Variants in ARHGEF26 observed in about 807,000 individuals in gnomAD.
ARHGEF26 encodes the protein Rho guanine nucleotide exchange factor 26, also known as Rho guanine nucleotide exchange factor (GEF) 26.
In ARHGEF26, 59 loss-of-function variants were observed where a neutral mutation model predicts 89.4. The observed-to-expected ratio is 0.66, with a 90% CI of 0.54 to 0.82. The LOEUF (loss-of-function observed/expected upper bound fraction) is 0.82, where lower values mean the gene tolerates loss of function less well. Ranked by LOEUF, ARHGEF26 falls within the 40% of genes least tolerant of loss-of-function variation. The pLI, the probability that ARHGEF26 is intolerant of heterozygous loss-of-function variation, is 0.00. For synonymous variants in ARHGEF26, 500 were observed against 428.4 expected, an observed-to-expected ratio of 1.17 and a Z score of -2.06; for missense variants, 1,234 against 1,085.6, an observed-to-expected ratio of 1.14 and a Z score of -1.92.
At chr3:154,238,935 G>C (rs1717285666) in intron 11 of ARHGEF26, among the ~76,000 whole-genome samples, 1 of 152,144 alleles carries the variant, frequency 6.6e-6, no homozygotes. Context: ...GGAGGCGGAA[G>C]GTTGTAGAGT....
At chr3:154,127,721 A>G (rs1254726826) in intron 3 of ARHGEF26, among the ~76,000 whole-genome samples, 1 of 151,830 alleles carries the variant, frequency 6.6e-6, no homozygotes, top group East Asian at 1.9e-4. Flanking sequence ...CATGAACTGT[A>G]TATAATTGTA....
chr3:154,201,201 T>C (rs1714612671), intron 9 of ARHGEF26, among the ~76,000 whole-genome samples: 1 of 145,126 alleles, frequency 6.9e-6, no homozygotes, highest in Non-Finnish European at 1.5e-5. Context: ...CCCCTTCATG[T>C]GTCCATGTGT....
chr3:154,194,108 A>C (rs956316316), intron 8 of ARHGEF26, among the ~76,000 whole-genome samples: 2 of 152,160 alleles, frequency 1.3e-5, no homozygotes, highest in African/African-American at 2.4e-5. Context: ...GATTACAGAC[A>C]TGAGCCACTG....
chr3:154,244,999 G>A (rs1050478213), intron 12 of ARHGEF26, among the ~76,000 whole-genome samples: 1 of 152,032 alleles, frequency 6.6e-6, no homozygotes, highest in African/African-American at 2.4e-5. Context: ...CTAAAATATA[G>A]AATTTTTTAA....
chr3:154,201,445 A>G (rs1457742626), intron 9 of ARHGEF26, among the ~76,000 whole-genome samples: 17 of 152,092 alleles, frequency 1.1e-4, no homozygotes, highest in African/African-American at 4.1e-4. Flanking sequence ...GCTATTGTGA[A>G]TAGTGCCACA....
intron 1 of ARHGEF26, 149 bp from the exon 2 acceptor site, chr3:154,121,793 G>A (rs1477618630): frequency 3.0e-6 from 2 of 672,942 alleles, no homozygotes; most frequent in East Asian, 2.8e-5. Flanking sequence ...CACCGCAGTG[G>A]TGCAGTTTTT....
chr3:154,130,836 G>T (rs141110533), intron 4 of ARHGEF26, among the ~76,000 whole-genome samples: 54 of 152,250 alleles, frequency 3.5e-4, no homozygotes, highest in Non-Finnish European at 6.9e-4. Context: ...TTAGAATCAG[G>T]AATCTTGTGT....
intron 8 of ARHGEF26, 128 bp from the exon 9 acceptor site, chr3:154,194,516 C>A: frequency 1.5e-6 from 1 of 660,126 alleles, no homozygotes; most frequent in Non-Finnish European, 2.6e-6. Flanking sequence ...TTAATATTAT[C>A]CTCATACTCA....
chr3:154,129,815 C>A, intron 4 of ARHGEF26, 96 bp downstream of exon 4: 1 of 1,351,530 alleles, frequency 7.4e-7, no homozygotes, highest in Non-Finnish European at 1.0e-6. Context: ...GCCAGTGATC[C>A]TGTAACTAAG....
At chr3:154,250,691 G>A (rs1321085249) in intron 12 of ARHGEF26, among the ~76,000 whole-genome samples, 1 of 152,118 alleles carries the variant, frequency 6.6e-6, no homozygotes, top group East Asian at 1.9e-4. Context: ...AGCAGTATAG[G>A]CTATGTATAA....
intron 9 of ARHGEF26, among the ~76,000 whole-genome samples, chr3:154,200,394 T>TC (rs1393306921): frequency 1.3e-5 from 2 of 152,240 alleles, no homozygotes; most frequent in Admixed American, 1.3e-4. Flanking sequence ...GTTTCTAAGT[T>TC]CTTTTTTCTG....
At chr3:154,187,979 C>A in intron 7 of ARHGEF26, 142 bp downstream of exon 7, 1 of 863,220 alleles carries the variant, frequency 1.2e-6, no homozygotes, top group Non-Finnish European at 1.7e-6. Context: ...TGTTTAAGAG[C>A]ATTACTTTTA....
intron 5 of ARHGEF26, among the ~76,000 whole-genome samples, chr3:154,152,201 G>A (rs561908087): frequency 6.6e-6 from 1 of 152,244 alleles, no homozygotes; most frequent in South Asian, 2.1e-4. Flanking sequence ...GAATTCCTGT[G>A]GTTGATAAGA....
intron 9 of ARHGEF26, among the ~76,000 whole-genome samples, chr3:154,211,077 C>T (rs1187937219): frequency 5.9e-5 from 9 of 151,550 alleles, no homozygotes; most frequent in Admixed American, 5.3e-4. Context: ...TTTTTCCTCT[C>T]GTCTTCTCAA....
chr3:154,132,716 A>G (rs1307067103), intron 4 of ARHGEF26, among the ~76,000 whole-genome samples: 3 of 151,958 alleles, frequency 2.0e-5, no homozygotes, highest in Admixed American at 2.0e-4. Flanking sequence ...TTCAGCTTTA[A>G]TATGTAATAT....
chr3:154,127,753 T>G (rs1411095999), intron 3 of ARHGEF26, among the ~76,000 whole-genome samples: 1 of 152,026 alleles, frequency 6.6e-6, no homozygotes. Context: ...TTTGTATTTT[T>G]GGCAGTACAA....
intron 4 of ARHGEF26, among the ~76,000 whole-genome samples, chr3:154,138,236 A>G (rs865854743): frequency 6.1e-4 from 23 of 37,628 alleles, no homozygotes; most frequent in Middle Eastern, 0.014. Context: ...ACATGTATAC[A>G]TGTAAATTTT....
intron 3 of ARHGEF26, among the ~76,000 whole-genome samples, chr3:154,125,231 T>G (rs1718259095): frequency 6.6e-6 from 1 of 152,170 alleles, no homozygotes; most frequent in African/African-American, 2.4e-5. Context: ...GTCAAGCAAA[T>G]GTACAATCAC....
chr3:154,141,193 C>T lies in ARHGEF26; in HGVS notation c.1270-8196C>T, dbSNP rs142061765. Reference sequence around the variant, plus strand: ...TGTTAGCCAGGATGGTCTCTATCTCCTGACCTCGTTTTCCGCCCGCCTCGG... The same window carrying T: ...TGTTAGCCAGGATGGTCTCTATCTCTTGACCTCGTTTTCCGCCCGCCTCGG... On this transcript the variant is annotated intron_variant, in intron 4 of 14. Transcript: ENST00000465093. Among the ~76,000 whole-genome samples, 1,083 of 150,034 alleles carry T rather than the reference C, an allele frequency of 7.2e-3. 13 individuals carry two copies. Among genetic ancestry groups the T allele is most frequent in the African/African-American group, 0.025 (1,033 of 40,798 alleles).
Sources: allele counts gnomAD v4.1 joint callset (sites outside exome capture counted in the v4.1 genomes callset), GRCh38; gene constraint gnomAD v4.1.1; transcripts MANE v1.5; gene names NCBI Gene and HGNC (gene_info 2026-07-23, HGNC 2026-07-21).